The following ACOT13 variants were observed in gnomAD, a reference collection of about 807,000 sequenced individuals.
ACOT13 encodes the protein acyl-CoA thioesterase 13.
ACOT13 carries 10 observed loss-of-function variants against 11.8 expected under a neutral mutation model. The ratio of observed to expected loss-of-function variants is 0.85; its 90% confidence interval spans 0.53 to 1.44. ACOT13 has a LOEUF of 1.44. Among genes scored for constraint, ACOT13 ranks in the 40% most tolerant of loss-of-function variants. The probability of loss-of-function intolerance (pLI) is 0.00; values close to 1 mark genes in which losing one functional copy is unlikely to be tolerated. For missense variants in ACOT13, 172 were observed against 174.1 expected (o/e 0.99, Z 0.07); for synonymous variants, 53 against 61.0 (o/e 0.87, Z 0.61).
rs927729833 is a variant in ACOT13 at position 24,702,112 on chromosome 6, T to C, written c.*497T>C. 3 of 152,684 alleles carry C rather than the reference T, an allele frequency of 2.0e-5. No individual in the cohort carries two copies. The allele number at this position is 152,684 out of a possible 1,614,324, so 9.5% of individuals were successfully genotyped here. A position where few individuals can be genotyped will look rare whatever the true frequency, so the allele number is the denominator to read the frequency against. On this transcript the variant is annotated 3_prime_UTR_variant, in exon 3 of 3. Coordinates refer to ENST00000230048, the MANE Select transcript of ACOT13 (RefSeq NM_018473.4). ...TGTGGTGGAAGGGGCAAGTGAGCCC[T>C]CTGGGTTCTCGTTTTTGAAATGGAG... is the stretch of plus-strand genomic sequence containing the variant.
chr6:24,671,800 C>G (rs1240297732), intron 1 of ACOT13, among the ~76,000 whole-genome samples: 1 of 152,126 alleles, frequency 6.6e-6, no homozygotes, highest in African/African-American at 2.4e-5. Flanking sequence ...AATTTGATAC[C>G]TCTCCTCTGT....
intron 1 of ACOT13, 44 bp downstream of exon 1, chr6:24,667,388 A>T (rs961370224): frequency 8.9e-6 from 14 of 1,577,842 alleles, no homozygotes; most frequent in Non-Finnish European, 2.6e-6. Context: ...TAATGAAGGA[A>T]AAGAAAGCAC....
chr6:24,689,204 A>G (rs1778684703), intron 1 of ACOT13, among the ~76,000 whole-genome samples: 1 of 152,144 alleles, frequency 6.6e-6, no homozygotes, highest in South Asian at 2.1e-4. Context: ...ATACCCAGCT[A>G]TCTAATTTTG....
chr6:24,671,273 T>C (rs1249780571), intron 1 of ACOT13, among the ~76,000 whole-genome samples: 1 of 152,160 alleles, frequency 6.6e-6, no homozygotes, highest in Non-Finnish European at 1.5e-5. Flanking sequence ...GATGGAATAC[T>C]ATGCAGCCAT....
chr6:24,676,366 TG>T (rs1290888316), intron 1 of ACOT13, among the ~76,000 whole-genome samples: 1 of 152,088 alleles, frequency 6.6e-6, no homozygotes, highest in Non-Finnish European at 1.5e-5. Flanking sequence ...GAGCATGGAA[TG>T]TTCTTCCATT....
chr6:24,686,216 C>G (rs1050880735), intron 1 of ACOT13, among the ~76,000 whole-genome samples: 3 of 152,014 alleles, frequency 2.0e-5, no homozygotes, highest in Admixed American at 6.6e-5. Flanking sequence ...AGGAAGAGTC[C>G]CATCAGAGGT....
At chr6:24,698,158 G>A in intron 2 of ACOT13, 91 bp downstream of exon 2, 1 of 1,143,022 alleles carries the variant, frequency 8.7e-7, no homozygotes, top group Non-Finnish European at 1.2e-6. Context: ...AGTAACGCAT[G>A]AGATTCAATT....
intron 1 of ACOT13, among the ~76,000 whole-genome samples, chr6:24,673,902 C>G (rs1336907576): frequency 2.4e-5 from 3 of 125,244 alleles, no homozygotes; most frequent in Admixed American, 7.6e-5. Flanking sequence ...CTAAATTTAC[C>G]ATACAGTATT....
At chr6:24,700,094 TAC>T (rs1237168318) in intron 2 of ACOT13, among the ~76,000 whole-genome samples, 1 of 152,220 alleles carries the variant, frequency 6.6e-6, no homozygotes, top group Non-Finnish European at 1.5e-5. Context: ...TCCTATATTA[TAC>T]AGACTGAGGA....
rs563932977 is a variant in ACOT13 at position 24,701,846 on chromosome 6, A to G, written c.*231A>G. The G allele has an allele frequency of 2.4e-6, 1 of 409,762 alleles. No individual in the cohort carries two copies. Among genetic ancestry groups the G allele is most frequent in the East Asian group, 4.0e-5 (1 of 25,278 alleles). The allele number at this position is 409,762 out of a possible 1,614,324, so 25.4% of individuals were successfully genotyped here. A position where few individuals can be genotyped will look rare whatever the true frequency, so the allele number is the denominator to read the frequency against. On this transcript the variant is annotated 3_prime_UTR_variant, in exon 3 of 3. Transcript: ENST00000230048. ...ATTGGGTGAAAAATTCTTAGCTCAA[A>G]GTGTTTTAAAAACAGGTAAAGCAAA...
intron 1 of ACOT13, among the ~76,000 whole-genome samples, chr6:24,677,566 GGACTC>G (rs1448964125): frequency 6.6e-6 from 1 of 152,204 alleles, no homozygotes; most frequent in Non-Finnish European, 1.5e-5. Context: ...ACCTGTATAA[GGACTC>G]CTAGAGCTAT....
intron 1 of ACOT13, among the ~76,000 whole-genome samples, chr6:24,685,622 A>G (rs552111755): frequency 2.0e-5 from 3 of 152,288 alleles, no homozygotes; most frequent in African/African-American, 7.2e-5. Context: ...CTGGGATTAC[A>G]GGCGTAAGCC....
chr6:24,701,477 A>G lies in ACOT13; in HGVS notation c.285A>G (p.Lys95=). 1 of 1,608,010 alleles carries G rather than the reference A, an allele frequency of 6.2e-7. No individual in the cohort carries two copies. The highest frequency in any genetic ancestry group is 8.5e-7 in the Non-Finnish European group (1 of 1,177,074). The change falls in exon 3 of 3, where the codon AAA becomes AAG. Residue 95 remains lysine (K), a synonymous_variant. Coordinates refer to ENST00000230048, the MANE Select transcript of ACOT13 (RefSeq NM_018473.4). ...DMNITYMSPA[K]LGEDIVITAH... ...TTTCAAGGTACATGTCACCTGCAAA[A>G]TTAGGAGAAGATATAGTGATTACAG...
chr6:24,677,698 A>G (rs1368467823), intron 1 of ACOT13, among the ~76,000 whole-genome samples: 1 of 152,208 alleles, frequency 6.6e-6, no homozygotes, highest in Non-Finnish European at 1.5e-5. Context: ...TCAGGTGTCC[A>G]TCTTACTAAA....
intron 1 of ACOT13, among the ~76,000 whole-genome samples, chr6:24,682,310 G>T (rs1255968140): frequency 1.3e-5 from 2 of 152,150 alleles, no homozygotes; most frequent in African/African-American, 4.8e-5. Context: ...GGGGGTCCTT[G>T]CTTCCAGAGC....
chr6:24,686,523 G>C (rs545624936), intron 1 of ACOT13, among the ~76,000 whole-genome samples: 1 of 151,928 alleles, frequency 6.6e-6, no homozygotes, highest in Admixed American at 6.5e-5. Flanking sequence ...GAGAGAGGGA[G>C]TGCCACACTC....
intron 1 of ACOT13, among the ~76,000 whole-genome samples, chr6:24,695,305 T>A (rs569788516): frequency 6.6e-6 from 1 of 152,180 alleles, no homozygotes; most frequent in African/African-American, 2.4e-5. Flanking sequence ...CGAGACTCTG[T>A]CTCAAAAAAC....
intron 1 of ACOT13, among the ~76,000 whole-genome samples, chr6:24,692,124 TTAACTC>T (rs1457641767): frequency 6.6e-6 from 1 of 152,104 alleles, no homozygotes; most frequent in Non-Finnish European, 1.5e-5. Context: ...GAACGACTAG[TTAACTC>T]TAAGACTTAA....
At chr6:24,677,015 A>G (rs1197464765) in intron 1 of ACOT13, among the ~76,000 whole-genome samples, 2 of 152,210 alleles carry the variant, frequency 1.3e-5, no homozygotes, top group African/African-American at 2.4e-5. Context: ...AGTGAGGGCT[A>G]TTAGTTCTGC....
Sources: allele counts gnomAD v4.1 joint callset (sites outside exome capture counted in the v4.1 genomes callset), GRCh38; gene constraint gnomAD v4.1.1; transcripts MANE v1.5; gene names NCBI Gene and HGNC (gene_info 2026-07-23, HGNC 2026-07-21).